The following CLOCK variants were observed in gnomAD, a reference collection of about 807,000 sequenced individuals.
The protein encoded by CLOCK is circadian locomoter output cycles protein kaput.
CLOCK carries 43 observed loss-of-function variants against 118.4 expected under a neutral mutation model. That is an observed-to-expected ratio of 0.36 (90% CI 0.28 to 0.47). The LOEUF (loss-of-function observed/expected upper bound fraction) is 0.47. Among genes scored for constraint, CLOCK ranks in the 20% least tolerant of loss-of-function variants. The pLI, the probability that CLOCK is intolerant of heterozygous loss-of-function variation, is 1.00. For missense variants in CLOCK, 846 were observed against 999.9 expected, an observed-to-expected ratio of 0.85 and a Z score of 2.08; for synonymous variants, 326 against 339.2, an observed-to-expected ratio of 0.96 and a Z score of 0.43.
chr4:55,511,514 AAAGTAC>A (rs1376330110), intron 1 of CLOCK, among the ~76,000 whole-genome samples: 2 of 152,204 alleles, frequency 1.3e-5, no homozygotes, highest in Non-Finnish European at 2.9e-5. Context: ...AACTGAGGGT[AAAGTAC>A]AGAGATTTCC....
chr4:55,525,796 G>A (rs188812381), intron 1 of CLOCK, among the ~76,000 whole-genome samples: 1 of 149,434 alleles, frequency 6.7e-6, no homozygotes, highest in East Asian at 2.0e-4. Flanking sequence ...TAAAGTATAT[G>A]TTACCTTTCT....
At position 55,438,323 on chromosome 4, in the gene CLOCK, A is replaced by G; in HGVS notation, c.2320T>C (p.Ser774Pro). 1 of 1,614,078 alleles carries G rather than the reference A, an allele frequency of 6.2e-7. No individual in the cohort carries two copies. Among genetic ancestry groups the G allele is most frequent in the Non-Finnish European group, 8.5e-7 (1 of 1,180,014 alleles). ...EQQLTSVQQP[S>P]QAQLTQPPQQ... ...GGTGGCTGGGTCAGCTGAGCCTGAG[A>G]TGGTTGCTGAACTGAAGTGAGCTGC... Residue 774 changes from serine to proline, a missense_variant, in exon 22 of 23, where the codon TCT becomes CCT. Around this residue, in one of 4 missense-constraint regions of CLOCK, gnomAD observed 520 missense variants for 558.0 expected, o/e 0.93. Transcript: ENST00000513440.
chr4:55,440,983 AAACAC>A (rs978056241), intron 21 of CLOCK, among the ~76,000 whole-genome samples: 9 of 142,232 alleles, frequency 6.3e-5, no homozygotes, highest in South Asian at 4.4e-4. Context: ...AAACAAAACA[AAACAC>A]AACACAACAA....
chr4:55,442,589 G>T lies in CLOCK; in HGVS notation c.1948C>A (p.Pro650Thr), dbSNP rs143911374. 6.2e-7 allele frequency: 1 copy of T among 1,612,560 alleles called. No individual in the cohort carries two copies. Among genetic ancestry groups the T allele is most frequent in the Non-Finnish European group, 8.5e-7 (1 of 1,179,788 alleles). ...LSGHSQQTSL[P>T]SQTQSTLTAP... ...GTAAGAGTGCTCTGTGTCTGACTGG[G>T]TAGAGATGTTTGCTGACTGTGCCCA... Residue 650 changes from proline to threonine, a missense_variant, in exon 21 of 23, where the codon CCC becomes ACC. Pro to Thr is a conservative substitution (Grantham distance 38, BLOSUM62 -1). Transcript: ENST00000513440.
intron 22 of CLOCK, among the ~76,000 whole-genome samples, chr4:55,436,892 CTT>C (rs35888413): frequency 0.061 from 5,952 of 98,334 alleles, 395 homozygotes; most frequent in African/African-American, 0.21. Flanking sequence ...TTTGGGATGC[CTT>C]TTTTTTTTTT....
chr4:55,545,272 G>A (rs1731538656), intron 1 of CLOCK, among the ~76,000 whole-genome samples: 1 of 152,040 alleles, frequency 6.6e-6, no homozygotes, highest in African/African-American at 2.4e-5. Context: ...CTTCCCCCAA[G>A]CTTTGAAAAC....
At chr4:55,519,499 T>G (rs1276677220) in intron 1 of CLOCK, among the ~76,000 whole-genome samples, 3 of 152,126 alleles carry the variant, frequency 2.0e-5, no homozygotes, top group Non-Finnish European at 2.9e-5. Context: ...AGAATAAATG[T>G]CATTGGACCA....
chr4:55,448,916 A>G, intron 17 of CLOCK, 48 bp from the exon 18 acceptor site: 2 of 1,353,822 alleles, frequency 1.5e-6, no homozygotes, highest in Non-Finnish European at 2.1e-6. Flanking sequence ...ATTCCCATAC[A>G]TGAGTACTTC....
chr4:55,448,752 G>T, intron 18 of CLOCK, 27 bp downstream of exon 18: 1 of 1,554,250 alleles, frequency 6.4e-7, no homozygotes, highest in East Asian at 2.3e-5. Flanking sequence ...ATTCAAATAC[G>T]CAACTGAAAC....
intron 18 of CLOCK, among the ~76,000 whole-genome samples, chr4:55,445,886 AC>A (rs747177046): frequency 2.0e-5 from 3 of 151,850 alleles, no homozygotes; most frequent in Admixed American, 6.6e-5. Context: ...ATGAGCCACC[AC>A]ACCCAGCTTT....
chr4:55,442,237 TTTG>T (rs372956233), intron 21 of CLOCK, 192 bp downstream of exon 21: 89 of 578,450 alleles, frequency 1.5e-4, no homozygotes, highest in African/African-American at 1.4e-3. Context: ...AGAAAAAAAA[TTTG>T]TTGTTACCCT....
chr4:55,510,339 C>A (rs1055084559), intron 1 of CLOCK, among the ~76,000 whole-genome samples: 3 of 152,056 alleles, frequency 2.0e-5, no homozygotes, highest in Non-Finnish European at 4.4e-5. Context: ...TAGAAAAGTT[C>A]TCCTGGGACG....
Position 55,508,961 on chromosome 4 carries a change from T to A in CLOCK, c.-136+951A>T, listed in dbSNP as rs115508189. Among the ~76,000 whole-genome samples the A allele has an allele frequency of 6.5e-3, 992 of 152,288 alleles. 8 individuals are homozygous for A. The highest frequency in any genetic ancestry group is 0.023 in the African/African-American group (942 of 41,556). The stretch of plus-strand genomic sequence containing the variant: ...CAACATCACAGACTATTTCTATACC[T>A]AGATGGTATAGCCTACTATACACCT... On this transcript the variant is annotated intron_variant, in intron 2 of 22. Coordinates refer to ENST00000513440, the MANE Select transcript of CLOCK (RefSeq NM_004898.4).
At chr4:55,436,294 A>G (rs1404155129) in intron 22 of CLOCK, among the ~76,000 whole-genome samples, 2 of 152,194 alleles carry the variant, frequency 1.3e-5, no homozygotes, top group African/African-American at 4.8e-5. Context: ...AAACAAAATG[A>G]AAAAAGGCAC....
intron 1 of CLOCK, among the ~76,000 whole-genome samples, chr4:55,514,955 T>C (rs1729411798): frequency 6.6e-6 from 1 of 152,218 alleles, no homozygotes; most frequent in South Asian, 2.1e-4. Context: ...TTAACATTGG[T>C]GTAATTTCTT....
At chr4:55,497,616 C>T (rs372155272) in intron 2 of CLOCK, among the ~76,000 whole-genome samples, 73 of 152,276 alleles carry the variant, frequency 4.8e-4, no homozygotes, top group African/African-American at 1.6e-3. Flanking sequence ...TTCTTAACTT[C>T]TGAACTATCT....
At chr4:55,484,683 C>A (rs188208139) in intron 3 of CLOCK, among the ~76,000 whole-genome samples, 8 of 152,188 alleles carry the variant, frequency 5.3e-5, no homozygotes, top group African/African-American at 1.9e-4. Context: ...AAGGCCAGAT[C>A]TGAGCCTTAT....
intron 9 of CLOCK, 106 bp downstream of exon 9, chr4:55,463,578 AT>A (rs1725522057): frequency 9.6e-7 from 1 of 1,041,732 alleles, no homozygotes; most frequent in Non-Finnish European, 1.5e-6. Flanking sequence ...AATAGGGCAT[AT>A]GGAGTAATGC....
chr4:55,510,616 GA>G (rs1397208442), intron 1 of CLOCK, among the ~76,000 whole-genome samples: 1 of 101,742 alleles, frequency 9.8e-6, no homozygotes, highest in Non-Finnish European at 1.8e-5. Flanking sequence ...GACAGAACAA[GA>G]CTCTGTCTTT....
Sources: allele counts gnomAD v4.1 joint callset (sites outside exome capture counted in the v4.1 genomes callset), GRCh38; gene constraint gnomAD v4.1.1; regional missense constraint gnomAD v4.1.1; transcripts MANE v1.5; gene names NCBI Gene and HGNC (gene_info 2026-07-23, HGNC 2026-07-21).